Variants in PTPRM observed in about 807,000 individuals in gnomAD.
PTPRM encodes the protein protein tyrosine phosphatase receptor type M.
A neutral mutation model predicts 186.7 loss-of-function variants in PTPRM; 47 were observed. That is an observed-to-expected ratio of 0.25 (90% CI 0.20 to 0.32). PTPRM has a LOEUF of 0.32. Among genes scored for constraint, PTPRM ranks in the 10% least tolerant of loss-of-function variants. The probability of loss-of-function intolerance (pLI) is 1.00; values close to 1 mark genes in which losing one functional copy is unlikely to be tolerated. For missense variants in PTPRM, 1,494 were observed against 1,865.0 expected (o/e 0.80, Z 3.66); for synonymous variants, 668 against 674.9 (o/e 0.99, Z 0.16).
chr18:8,247,267 C>A (rs1467313805), intron 15 of PTPRM, among the ~76,000 whole-genome samples: 3 of 152,046 alleles, frequency 2.0e-5, no homozygotes, highest in Non-Finnish European at 4.4e-5. Flanking sequence ...AGAGAAGGTG[C>A]AATAATTCAG....
chr18:7,862,029 C>G (rs927159230), intron 2 of PTPRM, among the ~76,000 whole-genome samples: 1 of 152,144 alleles, frequency 6.6e-6, no homozygotes, highest in African/African-American at 2.4e-5. Flanking sequence ...AAGACATGAG[C>G]ATTTAGAACA....
At chr18:7,728,403 T>C (rs2040590683) in intron 1 of PTPRM, among the ~76,000 whole-genome samples, 1 of 152,152 alleles carries the variant, frequency 6.6e-6, no homozygotes, top group South Asian at 2.1e-4. Flanking sequence ...GGTTTCCACC[T>C]CACAAATTGA....
At chr18:8,358,254 C>CAG (rs1202126614) in intron 23 of PTPRM, among the ~76,000 whole-genome samples, 1 of 144,860 alleles carries the variant, frequency 6.9e-6, no homozygotes, top group Non-Finnish European at 1.5e-5. Context: ...GACACGCACA[C>CAG]ACACACACAC....
intron 2 of PTPRM, among the ~76,000 whole-genome samples, chr18:7,780,546 A>G (rs1405138996): frequency 2.6e-5 from 4 of 152,168 alleles, no homozygotes; most frequent in East Asian, 1.9e-4. Flanking sequence ...ACCTTGGTCA[A>G]GTTCTGAAGC....
chr18:8,338,073 G>A (rs928801667), intron 22 of PTPRM, among the ~76,000 whole-genome samples: 19 of 152,054 alleles, frequency 1.2e-4, no homozygotes, highest in Admixed American at 9.8e-4. Flanking sequence ...GGTGGCTGGG[G>A]TTTGGAGGGG....
chr18:8,128,440 G>A (rs1479492372), intron 13 of PTPRM, among the ~76,000 whole-genome samples: 1 of 152,168 alleles, frequency 6.6e-6, no homozygotes, highest in African/African-American at 2.4e-5. Context: ...TTCAAGGGCT[G>A]CTTGAGGATT....
chr18:8,351,647 C>T (rs1490132012), intron 23 of PTPRM, among the ~76,000 whole-genome samples: 1 of 152,160 alleles, frequency 6.6e-6, no homozygotes, highest in Non-Finnish European at 1.5e-5. Flanking sequence ...TTCTGTAGGT[C>T]ATGAATTATC....
chr18:7,997,040 A>G (rs1247129299), intron 7 of PTPRM, among the ~76,000 whole-genome samples: 1 of 152,130 alleles, frequency 6.6e-6, no homozygotes, highest in Non-Finnish European at 1.5e-5. Context: ...TAGAAAAACA[A>G]TCCTGATATT....
At chr18:7,623,229 G>GA (rs1431406772) in intron 1 of PTPRM, among the ~76,000 whole-genome samples, 1 of 151,482 alleles carries the variant, frequency 6.6e-6, no homozygotes, top group African/African-American at 2.4e-5. Context: ...CCTTTTTTTG[G>GA]AAAAATATGT....
At chr18:8,175,977 T>C (rs752870307) in intron 14 of PTPRM, among the ~76,000 whole-genome samples, 3 of 152,190 alleles carry the variant, frequency 2.0e-5, no homozygotes, top group Admixed American at 6.5e-5. Flanking sequence ...GTGCTCTTCT[T>C]ATGACTAAAA....
At chr18:7,840,445 C>T (rs972405641) in intron 2 of PTPRM, among the ~76,000 whole-genome samples, 16 of 152,186 alleles carry the variant, frequency 1.1e-4, no homozygotes, top group African/African-American at 3.6e-4. Flanking sequence ...TATTTTGAAG[C>T]ACTTGTTTGC....
chr18:7,758,646 A>G (rs546917700), intron 1 of PTPRM, among the ~76,000 whole-genome samples: 15 of 152,212 alleles, frequency 9.9e-5, no homozygotes, highest in Non-Finnish European at 1.6e-4. Flanking sequence ...TTCTGAAGTT[A>G]GAAATATATT....
intron 19 of PTPRM, among the ~76,000 whole-genome samples, chr18:8,295,055 C>T (rs1286547232): frequency 6.6e-6 from 1 of 152,170 alleles, no homozygotes; most frequent in Non-Finnish European, 1.5e-5. Flanking sequence ...AAATGATGAA[C>T]ACATAGCTCC....
intron 1 of PTPRM, among the ~76,000 whole-genome samples, chr18:7,691,634 C>T (rs996575582): frequency 6.6e-5 from 10 of 152,084 alleles, no homozygotes; most frequent in Non-Finnish European, 1.5e-4. Flanking sequence ...AGGCTAGGCA[C>T]CATAGTTCAC....
intron 22 of PTPRM, among the ~76,000 whole-genome samples, chr18:8,333,696 C>T (rs763686964): frequency 3.3e-4 from 50 of 152,300 alleles, no homozygotes; most frequent in African/African-American, 1.2e-3. Context: ...TCAGGCTCAT[C>T]GTCTTCTGTG....
At chr18:7,657,398 G>A (rs578003693) in intron 1 of PTPRM, among the ~76,000 whole-genome samples, 1 of 152,312 alleles carries the variant, frequency 6.6e-6, no homozygotes, top group African/African-American at 2.4e-5. Context: ...TAGATTGAGG[G>A]AGACAAGCAG....
intron 7 of PTPRM, among the ~76,000 whole-genome samples, chr18:8,021,840 C>G (rs1256659685): frequency 6.6e-6 from 1 of 152,120 alleles, no homozygotes; most frequent in African/African-American, 2.4e-5. Flanking sequence ...GTCTCAGCCT[C>G]TCAAAATGCT....
At chr18:7,821,793 C>A (rs1301453451) in intron 2 of PTPRM, among the ~76,000 whole-genome samples, 2 of 152,162 alleles carry the variant, frequency 1.3e-5, no homozygotes, top group African/African-American at 4.8e-5. Flanking sequence ...GTGGGCAGGG[C>A]AGGTGGTATC....
chr18:7,567,847 C>G lies in PTPRM; in HGVS notation c.29C>G (p.Thr10Ser). Residue 10 changes from threonine to serine, a missense_variant, in exon 1 of 33, where the codon ACT (threonine) becomes AGT (serine). By Grantham distance (58) the Thr-to-Ser change is moderately conservative. Transcript: ENST00000580170. The surrounding 1 kb of genome is among the most constrained non-coding windows in gnomAD (Gnocchi z 4.3). Reference sequence around the variant, plus strand: ...AGGGGACTTGGGACTTGCCTGGCGACTTTGGCCGGACTTTTGCTAACTGCG... The same window carrying G: ...AGGGGACTTGGGACTTGCCTGGCGAGTTTGGCCGGACTTTTGCTAACTGCG... MRGLGTCLATLAGLLLTAAG... is the reference protein window; with the variant it reads MRGLGTCLASLAGLLLTAAG... The G allele has an allele frequency of 1.9e-6, 3 of 1,564,250 alleles. No homozygotes were observed. Among genetic ancestry groups the G allele is most frequent in the Non-Finnish European group, 2.6e-6 (3 of 1,158,762 alleles).
Sources: gnomAD v4.1 joint callset for allele counts (sites outside exome capture counted in the v4.1 genomes callset) on GRCh38, gnomAD v4.1.1 for gene constraint, Gnocchi (gnomAD v3.1) non-coding constraint, MANE v1.5 for transcripts, NCBI Gene and HGNC (gene_info 2026-07-23, HGNC 2026-07-21) for gene names.